The following SLC20A2 variants were observed in gnomAD, a reference collection of about 807,000 sequenced individuals.
SLC20A2 encodes sodium-dependent phosphate transporter 2.
A neutral mutation model predicts 61.0 loss-of-function variants in SLC20A2; 30 were observed. That is an observed-to-expected ratio of 0.49 (90% CI 0.37 to 0.67). SLC20A2 has a LOEUF of 0.67. Ranked by LOEUF, SLC20A2 falls within the 30% of genes least tolerant of loss-of-function variation. SLC20A2 has a pLI of 0.00. For synonymous variants in SLC20A2, 351 were observed against 353.3 expected, an observed-to-expected ratio of 0.99 and a Z score of 0.07; for missense variants, 626 against 866.4, an observed-to-expected ratio of 0.72 and a Z score of 3.48.
chr8:42,431,911 A>G (rs958330703), intron 8 of SLC20A2, among the ~76,000 whole-genome samples: 9 of 152,230 alleles, frequency 5.9e-5, no homozygotes, highest in African/African-American at 2.2e-4. Flanking sequence ...ATTTCAAAAT[A>G]TTACTGCTCA....
chr8:42,445,209 T>C (rs1805117808), intron 5 of SLC20A2, among the ~76,000 whole-genome samples: 2 of 151,998 alleles, frequency 1.3e-5, no homozygotes. Flanking sequence ...GGAGATTCGT[T>C]CGAACCTGGG....
chr8:42,537,318 G>A (rs118166389), intron 1 of SLC20A2, among the ~76,000 whole-genome samples: 1,534 of 143,596 alleles, frequency 0.011, 15 homozygotes, highest in Admixed American at 0.018. Context: ...AGAGGCTGCA[G>A]TGAGATCACA....
intron 7 of SLC20A2, among the ~76,000 whole-genome samples, chr8:42,438,841 C>T (rs911309850): frequency 2.0e-5 from 3 of 152,130 alleles, no homozygotes; most frequent in African/African-American, 7.2e-5. Context: ...CTCAGCCTCC[C>T]GAGTAGCAGG....
intron 6 of SLC20A2, among the ~76,000 whole-genome samples, chr8:42,440,730 C>T (rs534091882): frequency 2.0e-5 from 3 of 152,288 alleles, no homozygotes; most frequent in African/African-American, 4.8e-5. Flanking sequence ...CAGCAACGTA[C>T]GAGGTTCCAG....
In SLC20A2 at chr8:42,417,685, G is replaced by A. The variant is rs1802758541; in HGVS notation, c.*118C>T. ...GAGCCTCCTGGAAGGGAGGCAGAGA[G>A]CTGGTCATGAGAGAGCCGTGCACGG... On this transcript the variant is annotated 3_prime_UTR_variant, in exon 11 of 11. Coordinates refer to ENST00000520262, the MANE Select transcript of SLC20A2 (RefSeq NM_001257180.2). The A allele has an allele frequency of 9.0e-7, 1 of 1,108,962 alleles. No individual in the cohort carries two copies. The highest frequency in any genetic ancestry group is 2.1e-5 in the Admixed American group (1 of 47,640). 68.7% of individuals were successfully genotyped at this position (1,108,962 alleles called of 1,614,324 possible). A position where few individuals can be genotyped will look rare whatever the true frequency, so the allele number is the denominator to read the frequency against.
At chr8:42,500,860 GTAGGAGACATT>G (rs1045988654) in intron 1 of SLC20A2, among the ~76,000 whole-genome samples, 160 bp downstream of exon 1, 1 of 152,152 alleles carries the variant, frequency 6.6e-6, no homozygotes, top group African/African-American at 2.4e-5. Flanking sequence ...ATTTATTGCA[GTAGGAGACATT>G]TAAAGAAAAA....
intron 1 of SLC20A2, chr8:42,541,563 C>T (rs535943162): frequency 3.4e-5 from 5 of 148,920 alleles, no homozygotes; most frequent in Non-Finnish European, 6.0e-5. Context: ...ATCCGGAAAC[C>T]GACCGGCCGG....
chr8:42,435,933 A>G (rs1804214446), intron 8 of SLC20A2, among the ~76,000 whole-genome samples: 1 of 152,070 alleles, frequency 6.6e-6, no homozygotes, highest in Non-Finnish European at 1.5e-5. Flanking sequence ...CCTGGCCAAC[A>G]TGGGAAACCC....
intron 1 of SLC20A2, among the ~76,000 whole-genome samples, chr8:42,495,859 C>G (rs1166428746): frequency 6.6e-6 from 1 of 151,896 alleles, no homozygotes; most frequent in East Asian, 1.9e-4. Flanking sequence ...AAGCAATTCT[C>G]CTGCCTCAGC....
chr8:42,469,656 G>A (rs1201943815), intron 2 of SLC20A2, among the ~76,000 whole-genome samples: 1 of 152,186 alleles, frequency 6.6e-6, no homozygotes, highest in Admixed American at 6.5e-5. Flanking sequence ...GTGGCCGGGT[G>A]TGGTGGCTCA....
intron 5 of SLC20A2, among the ~76,000 whole-genome samples, chr8:42,451,292 T>TGGAGGAGGAGGAAGAGATAA (rs1805615157): frequency 5.9e-5 from 8 of 134,816 alleles, no homozygotes; most frequent in Admixed American, 5.4e-4. Flanking sequence ...AGAGAAGAGA[T>TGGAGGAGGAGGAAGAGATAA]GGAGGAGGAG....
rs560949693 is a variant in SLC20A2, at chr8:42,437,896, G to T, written c.935-319C>A. Reference sequence around the variant, plus strand: ...CCTAAAGTGCTCGGATTACAAGCGTGAGCCAACGTGCCCAGCCCCAGCCTT... The same window carrying T: ...CCTAAAGTGCTCGGATTACAAGCGTTAGCCAACGTGCCCAGCCCCAGCCTT... On this transcript the variant is annotated intron_variant, in intron 7 of 10. Coordinates refer to ENST00000520262, the MANE Select transcript of SLC20A2 (RefSeq NM_001257180.2). The surrounding 1 kb of genome is among the most constrained non-coding windows in gnomAD (Gnocchi z 6.4). Among the ~76,000 whole-genome samples the T allele has an allele frequency of 6.6e-6, 1 of 151,834 alleles. No individual in the cohort carries two copies. The highest frequency in any genetic ancestry group is 2.4e-5 in the African/African-American group (1 of 41,472).
At chr8:42,502,730 T>C (rs1056999573), upstream of SLC20A2, 2 of 152,206 alleles carry the variant, frequency 1.3e-5, no homozygotes, top group East Asian at 3.8e-4. Flanking sequence ...GGCAGGCATT[T>C]CCTGCTCTGT....
chr8:42,436,679 C>T (rs1298118290), intron 8 of SLC20A2, among the ~76,000 whole-genome samples: 1 of 152,222 alleles, frequency 6.6e-6, no homozygotes, highest in East Asian at 1.9e-4. Flanking sequence ...AAGACTGCAC[C>T]TGCCGTCCTG....
At chr8:42,461,762 T>G (rs565202440) in intron 4 of SLC20A2, among the ~76,000 whole-genome samples, 3 of 152,238 alleles carry the variant, frequency 2.0e-5, no homozygotes, top group African/African-American at 7.2e-5. Context: ...ACCTGTCTCC[T>G]TTCTTCCCTC....
rs182867314 is a variant in SLC20A2, at chr8:42,417,579, T to C, written c.*224A>G. On this transcript the variant is annotated 3_prime_UTR_variant, in exon 11 of 11. Transcript: ENST00000520262. Reference sequence around the variant, plus strand: ...CCACATTATATCACCACGATACCAGTTTAATACATATTATTATGTACAGTA... The same window carrying C: ...CCACATTATATCACCACGATACCAGCTTAATACATATTATTATGTACAGTA... The C allele has an allele frequency of 5.3e-5, 22 of 412,020 alleles. No homozygotes were observed. The highest frequency in any genetic ancestry group is 3.1e-4 in the African/African-American group (16 of 50,808). The allele number at this position is 412,020 out of a possible 1,614,324, so 25.5% of individuals were successfully genotyped here.
chr8:42,466,749 G>A (rs1323937900), intron 2 of SLC20A2, among the ~76,000 whole-genome samples: 1 of 151,968 alleles, frequency 6.6e-6, no homozygotes, highest in East Asian at 1.9e-4. Context: ...GCTCACTGCA[G>A]CCTTAAACTC....
intron 1 of SLC20A2, among the ~76,000 whole-genome samples, chr8:42,533,654 C>CTTTTTTT (rs1162369065): frequency 4.3e-4 from 24 of 55,298 alleles, no homozygotes; most frequent in African/African-American, 1.5e-3. Flanking sequence ...ATCAACTGTT[C>CTTTTTTT]TTTTTTTTTT....
At chr8:42,498,491 A>C (rs1810091511) in intron 1 of SLC20A2, among the ~76,000 whole-genome samples, 1 of 151,880 alleles carries the variant, frequency 6.6e-6, no homozygotes, top group Non-Finnish European at 1.5e-5. Flanking sequence ...CAGGGGGCCC[A>C]GTTTCTGTGT....
Sources: gnomAD v4.1 joint callset for allele counts (sites outside exome capture counted in the v4.1 genomes callset) on GRCh38, gnomAD v4.1.1 for gene constraint, Gnocchi (gnomAD v3.1) non-coding constraint, MANE v1.5 for transcripts, NCBI Gene and HGNC (gene_info 2026-07-23, HGNC 2026-07-21) for gene names.